The following PHACTR1 variants were observed in gnomAD, a reference collection of about 807,000 sequenced individuals.
The protein encoded by PHACTR1 is phosphatase and actin regulator 1.
In PHACTR1, 16 loss-of-function variants were observed where a neutral mutation model predicts 69.2. The ratio of observed to expected loss-of-function variants is 0.23; its 90% CI spans 0.16 to 0.35. The LOEUF is 0.35. PHACTR1 is among the 10% of genes least tolerant of loss of function. PHACTR1 has a pLI of 1.00. For synonymous variants in PHACTR1, 312 were observed against 284.5 expected, an observed-to-expected ratio of 1.10 and a Z score of -0.97; for missense variants, 510 against 734.7, an observed-to-expected ratio of 0.69 and a Z score of 3.54.
At chr6:13,286,536 TG>T (rs1164719814) in intron 14 of PHACTR1, among the ~76,000 whole-genome samples, 1 of 152,226 alleles carries the variant, frequency 6.6e-6, no homozygotes, top group African/African-American at 2.4e-5. Context: ...AAAAGATTGT[TG>T]CCAATTTGCA....
At chr6:12,991,813 T>C (rs1213878532) in intron 4 of PHACTR1, among the ~76,000 whole-genome samples, 1 of 152,186 alleles carries the variant, frequency 6.6e-6, no homozygotes, top group Non-Finnish European at 1.5e-5. Flanking sequence ...AAACACACTT[T>C]ATTTAAAGCT....
At chr6:13,075,401 A>AC (rs1810278899) in intron 5 of PHACTR1, among the ~76,000 whole-genome samples, 1 of 152,176 alleles carries the variant, frequency 6.6e-6, no homozygotes, top group Non-Finnish European at 1.5e-5. Flanking sequence ...TTGATTTGCC[A>AC]CCATCGAAAC....
chr6:12,904,270 G>A lies in PHACTR1; in HGVS notation c.251-149095G>A, dbSNP rs186749939. ...TTTATAGAAACTACTCATTACGGCC[G>A]GGTGCAGTGGCTCATGCCTGTAACC... On this transcript the variant is annotated intron_variant, in intron 4 of 14. Coordinates refer to ENST00000332995, the MANE Select transcript of PHACTR1 (RefSeq NM_030948.6). 1.1e-4 allele frequency among the ~76,000 whole-genome samples: 16 copies of A among 152,098 alleles called. No individual in the cohort carries two copies. In the East Asian group the frequency reaches 1.2e-3, roughly 11 times the overall value.
At chr6:12,803,842 A>C (rs1773984929) in intron 4 of PHACTR1, among the ~76,000 whole-genome samples, 1 of 152,202 alleles carries the variant, frequency 6.6e-6, no homozygotes, top group African/African-American at 2.4e-5. Context: ...AAATTTCTTC[A>C]GACATTGACA....
chr6:12,896,888 T>C (rs553328288), intron 4 of PHACTR1, among the ~76,000 whole-genome samples: 1 of 152,298 alleles, frequency 6.6e-6, no homozygotes, highest in Non-Finnish European at 1.5e-5. Context: ...TTATCTCCAA[T>C]GTACTAGGGG....
intron 4 of PHACTR1, among the ~76,000 whole-genome samples, chr6:12,768,473 T>C (rs1768952431): frequency 2.0e-5 from 3 of 152,146 alleles, no homozygotes; most frequent in African/African-American, 7.2e-5. Context: ...ATCCCTGTGG[T>C]GTAACAGATC....
chr6:12,808,423 A>T (rs1406796149), intron 4 of PHACTR1, among the ~76,000 whole-genome samples: 1 of 152,250 alleles, frequency 6.6e-6, no homozygotes, highest in Non-Finnish European at 1.5e-5. Context: ...ATAAAAATTT[A>T]TCCCAATTTA....
intron 4 of PHACTR1, among the ~76,000 whole-genome samples, chr6:12,973,801 G>A (rs922818201): frequency 6.6e-6 from 1 of 151,146 alleles, no homozygotes; most frequent in South Asian, 2.1e-4. Flanking sequence ...CTTATTGATT[G>A]TTATTCAAGG....
Position 12,991,942 on chromosome 6 carries a change from CT to C in PHACTR1, c.251-61410del, listed in dbSNP as rs758565773. Among the ~76,000 whole-genome samples the C allele has an allele frequency of 6.5e-3, 939 of 143,984 alleles. 2 individuals are homozygous for C. The highest frequency in any genetic ancestry group is 0.011 in the South Asian group (50 of 4,464). The allele number at this position is 143,984 out of a possible 152,430, so 94.5% of individuals were successfully genotyped here. ...CACTGACATAAGTATGTTTCTGTGTCTTTTTTTTTTTTTACCCTTATGAAAG... is the reference window on the plus strand; with the variant it reads ...CACTGACATAAGTATGTTTCTGTGTCTTTTTTTTTTTTACCCTTATGAAAG... On this transcript the variant is annotated intron_variant, in intron 4 of 14. Coordinates refer to ENST00000332995, the MANE Select transcript of PHACTR1 (RefSeq NM_030948.6).
chr6:12,828,773 A>G (rs1022604744), intron 4 of PHACTR1, among the ~76,000 whole-genome samples: 15 of 152,124 alleles, frequency 9.9e-5, no homozygotes, highest in Non-Finnish European at 4.4e-5. Flanking sequence ...AAAAAAACAC[A>G]AGCTCTTTTA....
chr6:13,053,347 T>A lies in PHACTR1; in HGVS notation c.251-18T>A. On this transcript the variant is annotated intron_variant, in intron 4 of 14. Coordinates refer to ENST00000332995, the MANE Select transcript of PHACTR1 (RefSeq NM_030948.6). ...TTTTTTCTCTCTTTGTTTTCATCTCTTTCTTGGAAATAACAAGCTGAGGAA... is the reference window on the plus strand; with the variant it reads ...TTTTTTCTCTCTTTGTTTTCATCTCATTCTTGGAAATAACAAGCTGAGGAA... 1.3e-6 allele frequency: 2 copies of A among 1,584,044 alleles called. No individual in the cohort carries two copies. The highest frequency in any genetic ancestry group is 1.7e-6 in the Non-Finnish European group (2 of 1,164,888).
chr6:13,235,133 C>A (rs1771796233), intron 10 of PHACTR1, among the ~76,000 whole-genome samples: 1 of 152,182 alleles, frequency 6.6e-6, no homozygotes, highest in African/African-American at 2.4e-5. Flanking sequence ...AGTGTCACTT[C>A]TCAGTGCTAC....
chr6:12,809,274 AT>A (rs1371243131), intron 4 of PHACTR1, among the ~76,000 whole-genome samples: 35 of 152,300 alleles, frequency 2.3e-4, no homozygotes, highest in African/African-American at 7.7e-4. Context: ...AATAAAAGCT[AT>A]TGTTGATATT....
rs142716038 is a variant in PHACTR1 at position 12,939,420 on chromosome 6, C to T, written c.251-113945C>T. Among the ~76,000 whole-genome samples, 399 of 152,058 alleles carry T rather than the reference C, an allele frequency of 2.6e-3. 4 individuals are homozygous for T. The highest frequency in any genetic ancestry group is 0.017 in the Middle Eastern group (5 of 294). ...GTCAGAAAACCTGGATTTGAGCCCA[C>T]CTAACATAGAAATCCCTGGTTTGTA... On this transcript the variant is annotated intron_variant, in intron 4 of 14. Transcript: ENST00000332995.
chr6:13,140,313 C>G (rs1411026011), intron 5 of PHACTR1, among the ~76,000 whole-genome samples: 1 of 151,830 alleles, frequency 6.6e-6, no homozygotes, highest in Admixed American at 6.6e-5. Flanking sequence ...AAAACAGTAT[C>G]TCGGAGAGAG....
intron 5 of PHACTR1, among the ~76,000 whole-genome samples, chr6:13,153,046 G>A (rs966081379): frequency 6.6e-6 from 1 of 152,160 alleles, no homozygotes; most frequent in African/African-American, 2.4e-5. Context: ...AAAGGAGGTG[G>A]TCAGGACTGT....
intron 6 of PHACTR1, among the ~76,000 whole-genome samples, chr6:13,171,249 C>T (rs1015503476): frequency 2.6e-5 from 4 of 151,800 alleles, no homozygotes; most frequent in African/African-American, 9.7e-5. Context: ...ATGTGTGCCT[C>T]TGTAGTTCTG....
intron 7 of PHACTR1, chr6:13,185,138 C>G (rs1762678052): frequency 1.6e-6 from 1 of 618,312 alleles, no homozygotes; most frequent in Non-Finnish European, 2.4e-6. Context: ...TTGGGTGTTT[C>G]TGTGTGTGTC....
At chr6:12,894,707 C>G (rs1194390673) in intron 4 of PHACTR1, among the ~76,000 whole-genome samples, 1 of 152,162 alleles carries the variant, frequency 6.6e-6, no homozygotes, top group African/African-American at 2.4e-5. Flanking sequence ...TGTTAAGTCA[C>G]TTAACATGTT....
Sources: allele counts gnomAD v4.1 joint callset (sites outside exome capture counted in the v4.1 genomes callset), GRCh38; gene constraint gnomAD v4.1.1; transcripts MANE v1.5; gene names NCBI Gene and HGNC (gene_info 2026-07-23, HGNC 2026-07-21).